The following KCNH1 variants were observed in gnomAD, a reference collection of about 807,000 sequenced individuals.
The protein encoded by KCNH1 is potassium voltage-gated channel subfamily H member 1, also known as voltage-gated delayed rectifier potassium channel KCNH1.
A neutral mutation model predicts 69.2 loss-of-function variants in KCNH1; 27 were observed. The ratio of observed to expected loss-of-function variants is 0.39; its 90% CI spans 0.29 to 0.54. KCNH1 has a LOEUF of 0.54. Among genes scored for constraint, KCNH1 ranks in the 20% least tolerant of loss-of-function variants. The probability of loss-of-function intolerance (pLI) is 0.68; values close to 1 mark genes in which losing one functional copy is unlikely to be tolerated. For synonymous variants in KCNH1, 456 were observed against 487.7 expected, an observed-to-expected ratio of 0.93 and a Z score of 0.86; for missense variants, 798 against 1,261.6, an observed-to-expected ratio of 0.63 and a Z score of 5.57.
rs1392010967 is a variant in KCNH1 at position 211,023,112 on chromosome 1, G to GAAAA, written c.559-3860_559-3857dup. On this transcript the variant is annotated intron_variant, in intron 5 of 10. Transcript: ENST00000271751. The stretch of plus-strand genomic sequence containing the variant: ...GGCGACAGAGCTAGACTCTGTCTCA[G>GAAAA]AAAAAATAAATAAATAAATAAATAA... Among the ~76,000 whole-genome samples, 6 of 123,370 alleles carry GAAAA rather than the reference G, an allele frequency of 4.9e-5. No homozygotes were observed. The East Asian group carries it at 1.0e-3, about 21-fold the overall frequency. The allele number at this position is 123,370 out of a possible 152,430, so 80.9% of individuals were successfully genotyped here. A position where few individuals can be genotyped will look rare whatever the true frequency, so the allele number is the denominator to read the frequency against.
chr1:210,727,831 G>T (rs1294413389), intron 10 of KCNH1, among the ~76,000 whole-genome samples: 1 of 152,118 alleles, frequency 6.6e-6, no homozygotes, highest in Non-Finnish European at 1.5e-5. Context: ...AGCTTTAAAA[G>T]AAAAAACGCT....
chr1:210,929,478 C>T (rs991245526), intron 6 of KCNH1, among the ~76,000 whole-genome samples: 1 of 152,242 alleles, frequency 6.6e-6, no homozygotes, highest in African/African-American at 2.4e-5. Flanking sequence ...AATTCAGCAT[C>T]GCTTTATGAT....
chr1:210,787,719 A>G (rs545065384), intron 9 of KCNH1, among the ~76,000 whole-genome samples: 2 of 152,352 alleles, frequency 1.3e-5, no homozygotes, highest in South Asian at 4.1e-4. Context: ...CCTGCTCAGA[A>G]ACACTCCTGT....
intron 7 of KCNH1, among the ~76,000 whole-genome samples, chr1:210,889,630 T>C (rs71514006): frequency 1.3e-5 from 2 of 152,234 alleles, no homozygotes; most frequent in Admixed American, 1.3e-4. Flanking sequence ...TGTTTGCAGA[T>C]GACATGATTG....
intron 7 of KCNH1, among the ~76,000 whole-genome samples, chr1:210,845,172 C>A (rs1371055720): frequency 6.6e-6 from 1 of 152,174 alleles, no homozygotes; most frequent in Non-Finnish European, 1.5e-5. Flanking sequence ...GGTACCATTC[C>A]TTCTGAAACT....
At chr1:210,962,599 G>A (rs2102357975) in intron 6 of KCNH1, among the ~76,000 whole-genome samples, 1 of 151,864 alleles carries the variant, frequency 6.6e-6, no homozygotes, top group African/African-American at 2.4e-5. Flanking sequence ...TTCATTTTTA[G>A]CACTGGATAA....
intron 7 of KCNH1, among the ~76,000 whole-genome samples, chr1:210,865,470 G>A (rs551240130): frequency 6.6e-6 from 1 of 152,112 alleles, no homozygotes; most frequent in Admixed American, 6.5e-5. Flanking sequence ...AACATTTTGG[G>A]TCAAACTAAA....
At chr1:211,002,314 G>A (rs7519095) in intron 6 of KCNH1, among the ~76,000 whole-genome samples, 148 of 126,314 alleles carry the variant, frequency 1.2e-3, no homozygotes, top group Non-Finnish European at 1.8e-3. Flanking sequence ...ACATGTATAC[G>A]TGTATATATA....
chr1:211,029,744 A>T (rs1689748951), intron 5 of KCNH1, among the ~76,000 whole-genome samples: 1 of 152,202 alleles, frequency 6.6e-6, no homozygotes, highest in Non-Finnish European at 1.5e-5. Context: ...GAGAGGATGA[A>T]ATAAAAATAT....
intron 9 of KCNH1, among the ~76,000 whole-genome samples, chr1:210,786,478 GTC>G (rs1236301511): frequency 6.6e-6 from 1 of 151,828 alleles, no homozygotes; most frequent in African/African-American, 2.4e-5. Flanking sequence ...CTCTCTCCTG[GTC>G]TCTCCTCCTT....
intron 5 of KCNH1, among the ~76,000 whole-genome samples, chr1:211,036,947 G>T (rs985478368): frequency 6.6e-6 from 1 of 152,146 alleles, no homozygotes; most frequent in African/African-American, 2.4e-5. Context: ...CCAATGCCAG[G>T]CTTTGTCCAG....
intron 6 of KCNH1, among the ~76,000 whole-genome samples, chr1:210,921,601 T>C (rs536007302): frequency 2.6e-5 from 4 of 152,166 alleles, no homozygotes; most frequent in Non-Finnish European, 5.9e-5. Flanking sequence ...TTTTGCAGCT[T>C]CTTCCATCTG....
intron 7 of KCNH1, among the ~76,000 whole-genome samples, chr1:210,878,685 A>G (rs1192862863): frequency 6.6e-6 from 1 of 152,112 alleles, no homozygotes. Context: ...GAAAAGAAGA[A>G]AGATCTAAAA....
intron 7 of KCNH1, chr1:210,860,400 C>T: frequency 1.6e-6 from 2 of 1,276,504 alleles, no homozygotes; most frequent in Non-Finnish European, 1.1e-6. Flanking sequence ...GTTGGGTTAT[C>T]TCTTTATGAT....
At chr1:210,860,125 C>G (rs1375873140) in intron 7 of KCNH1, 1 of 1,171,844 alleles carries the variant, frequency 8.5e-7, no homozygotes, top group African/African-American at 1.5e-5. Flanking sequence ...TGTGCACATA[C>G]TGTATATCAT....
chr1:210,917,036 T>G (rs973694887), intron 7 of KCNH1, among the ~76,000 whole-genome samples: 7 of 151,634 alleles, frequency 4.6e-5, no homozygotes, highest in Non-Finnish European at 1.5e-5. Flanking sequence ...TAAGCCCAGC[T>G]ACTTGGGAGG....
At chr1:211,058,923 A>G (rs1453761955) in intron 5 of KCNH1, among the ~76,000 whole-genome samples, 1 of 152,226 alleles carries the variant, frequency 6.6e-6, no homozygotes, top group Non-Finnish European at 1.5e-5. Flanking sequence ...GAAACTAAAA[A>G]ACAACAGGAA....
intron 10 of KCNH1, among the ~76,000 whole-genome samples, chr1:210,746,661 C>T (rs1412340670): frequency 6.6e-6 from 1 of 152,134 alleles, no homozygotes; most frequent in Admixed American, 6.5e-5. Flanking sequence ...GATTATCCTG[C>T]TTCAGCCTCC....
At chr1:210,895,916 C>T (rs1335324987) in intron 7 of KCNH1, among the ~76,000 whole-genome samples, 2 of 152,078 alleles carry the variant, frequency 1.3e-5, no homozygotes, top group Non-Finnish European at 2.9e-5. Context: ...TTAACACAGA[C>T]AGATCATCAG....
Sources: gnomAD v4.1 joint callset for allele counts (sites outside exome capture counted in the v4.1 genomes callset) on GRCh38, gnomAD v4.1.1 for gene constraint, MANE v1.5 for transcripts, NCBI Gene and HGNC (gene_info 2026-07-23, HGNC 2026-07-21) for gene names.